KCND3: variants seen among roughly 807,000 people sequenced by gnomAD.
The protein encoded by KCND3 is A-type voltage-gated potassium channel KCND3.
Under a neutral mutation model 51.1 loss-of-function variants are expected in KCND3, and 9 were observed. The ratio of observed to expected loss-of-function variants is 0.18; its 90% CI spans 0.11 to 0.31. The LOEUF (loss-of-function observed/expected upper bound fraction) is 0.31. KCND3 is among the 10% of genes least tolerant of loss of function. The pLI, the probability that KCND3 is intolerant of heterozygous loss-of-function variation, is 1.00. For synonymous variants in KCND3, 349 were observed against 368.0 expected, an observed-to-expected ratio of 0.95 and a Z score of 0.59; for missense variants, 526 against 903.8, an observed-to-expected ratio of 0.58 and a Z score of 5.36.
At chr1:111,809,435 A>G (rs1449457459) in intron 2 of KCND3, among the ~76,000 whole-genome samples, 5 of 151,202 alleles carry the variant, frequency 3.3e-5, no homozygotes, top group Admixed American at 3.3e-4. Flanking sequence ...CAGCCTTCCG[A>G]GTACCTGGGA....
At chr1:111,817,141 G>C (rs1360490710) in intron 2 of KCND3, among the ~76,000 whole-genome samples, 1 of 149,836 alleles carries the variant, frequency 6.7e-6, no homozygotes, top group Non-Finnish European at 1.5e-5. Context: ...CTTAACTTTT[G>C]AATGTTGTGA....
chr1:111,855,515 G>T (rs764396613), intron 2 of KCND3, among the ~76,000 whole-genome samples: 2 of 152,202 alleles, frequency 1.3e-5, no homozygotes, highest in Non-Finnish European at 2.9e-5. Flanking sequence ...AGCCTGGCCT[G>T]AGAAGGCTGT....
chr1:111,800,552 TA>T (rs71580591), intron 2 of KCND3, among the ~76,000 whole-genome samples: 10,384 of 126,216 alleles, frequency 0.082, 457 homozygotes, highest in South Asian at 0.17. Context: ...AAAATAAATT[TA>T]AAAAAAAAAA....
intron 2 of KCND3, among the ~76,000 whole-genome samples, chr1:111,966,699 C>T (rs1674009666): frequency 6.6e-6 from 1 of 152,184 alleles, no homozygotes; most frequent in Admixed American, 6.5e-5. Flanking sequence ...TGAGTTATAC[C>T]TGCCTTCCAG....
Position 111,773,996 on chromosome 1 carries a change from G to A in KCND3, c.*2081C>T, listed in dbSNP as rs1362188702. ...TAAAGCTTTTCTGCCTTCTTAGTCT[G>A]TAAGCTCAGAGGGCAAGAACCACTC... On this transcript the variant is annotated 3_prime_UTR_variant, in exon 8 of 8. Transcript: ENST00000302127. 1 of 152,204 alleles carries A rather than the reference G, an allele frequency of 6.6e-6. No individual in the cohort carries two copies. The highest frequency in any genetic ancestry group is 1.9e-4 in the East Asian group (1 of 5,182). 9.4% of individuals were successfully genotyped at this position (152,204 alleles called of 1,614,324 possible). A position where few individuals can be genotyped will look rare whatever the true frequency, so the allele number is the denominator to read the frequency against.
intron 2 of KCND3, among the ~76,000 whole-genome samples, chr1:111,925,232 G>A (rs1671651199): frequency 6.6e-6 from 1 of 152,208 alleles, no homozygotes; most frequent in African/African-American, 2.4e-5. Context: ...CAGGTACTAT[G>A]AGATGTATTG....
chr1:111,874,508 C>G (rs960699959), intron 2 of KCND3, among the ~76,000 whole-genome samples: 5 of 152,124 alleles, frequency 3.3e-5, no homozygotes, highest in African/African-American at 1.2e-4. Context: ...CTCGGGAGAG[C>G]AGGATTGATT....
intron 2 of KCND3, among the ~76,000 whole-genome samples, chr1:111,977,622 C>T (rs1462022983): frequency 6.6e-6 from 1 of 152,166 alleles, no homozygotes; most frequent in East Asian, 1.9e-4. Flanking sequence ...TACCCAAGAG[C>T]AGCCTCATCA....
intron 2 of KCND3, among the ~76,000 whole-genome samples, chr1:111,930,363 T>C (rs1307217039): frequency 6.6e-6 from 1 of 152,242 alleles, no homozygotes; most frequent in Non-Finnish European, 1.5e-5. Context: ...CGCCGTTTAA[T>C]GTGACACCAG....
intron 2 of KCND3, among the ~76,000 whole-genome samples, chr1:111,796,784 T>G (rs1665074882): frequency 1.3e-5 from 2 of 152,210 alleles, no homozygotes; most frequent in African/African-American, 4.8e-5. Flanking sequence ...ACTTTCAAAG[T>G]GGCATGAACC....
At chr1:111,876,785 A>C (rs1398148241) in intron 2 of KCND3, among the ~76,000 whole-genome samples, 1 of 152,250 alleles carries the variant, frequency 6.6e-6, no homozygotes, top group Non-Finnish European at 1.5e-5. Context: ...AGGGAAATGT[A>C]TAGGCTTAAG....
chr1:111,886,358 A>C (rs1389350566), intron 2 of KCND3, among the ~76,000 whole-genome samples: 3 of 152,240 alleles, frequency 2.0e-5, no homozygotes, highest in African/African-American at 7.2e-5. Context: ...GGCATTGACA[A>C]GTGTGTACAA....
intron 2 of KCND3, among the ~76,000 whole-genome samples, chr1:111,863,028 C>T (rs925228224): frequency 2.6e-5 from 4 of 152,060 alleles, no homozygotes; most frequent in African/African-American, 7.2e-5. Context: ...GAATAGAAAG[C>T]GGACTAATGA....
intron 2 of KCND3, among the ~76,000 whole-genome samples, chr1:111,884,450 G>T (rs1455694920): frequency 6.6e-6 from 1 of 152,190 alleles, no homozygotes; most frequent in African/African-American, 2.4e-5. Context: ...TGGGTTCTGT[G>T]CCATTCCTGA....
intron 2 of KCND3, among the ~76,000 whole-genome samples, chr1:111,944,103 A>G (rs1371112126): frequency 1.3e-5 from 2 of 152,180 alleles, no homozygotes; most frequent in African/African-American, 4.8e-5. Context: ...GGAGGGGAAA[A>G]CTACATTAAA....
chr1:111,979,061 T>A (rs1674798638), intron 2 of KCND3, among the ~76,000 whole-genome samples: 1 of 152,186 alleles, frequency 6.6e-6, no homozygotes. Context: ...CATTTGGTTC[T>A]CCTCCCAGAA....
intron 2 of KCND3, among the ~76,000 whole-genome samples, chr1:111,931,503 C>T (rs748834391): frequency 1.4e-4 from 22 of 152,252 alleles, no homozygotes; most frequent in Non-Finnish European, 3.1e-4. Context: ...CTAGTGTAGT[C>T]GCTGAAAGCA....
At chr1:111,798,197 T>G (rs1049316710) in intron 2 of KCND3, among the ~76,000 whole-genome samples, 8 of 152,194 alleles carry the variant, frequency 5.3e-5, no homozygotes, top group African/African-American at 1.9e-4. Flanking sequence ...TGTCACATGC[T>G]TCTGCCACAC....
At chr1:111,830,976 A>G (rs1321388222) in intron 2 of KCND3, among the ~76,000 whole-genome samples, 2 of 152,248 alleles carry the variant, frequency 1.3e-5, no homozygotes, top group Non-Finnish European at 2.9e-5. Context: ...CAATGTGGAA[A>G]ACATTGCTTA....
Sources: gnomAD v4.1 joint callset for allele counts (sites outside exome capture counted in the v4.1 genomes callset) on GRCh38, gnomAD v4.1.1 for gene constraint, MANE v1.5 for transcripts, NCBI Gene and HGNC (gene_info 2026-07-23, HGNC 2026-07-21) for gene names.